The following CMTM7 variants were observed in gnomAD, a reference collection of about 807,000 sequenced individuals.
CMTM7 encodes the protein CKLF-like MARVEL transmembrane domain-containing protein 7.
A neutral mutation model predicts 19.3 loss-of-function variants in CMTM7; 7 were observed. That is an observed-to-expected ratio of 0.36 (90% CI 0.21 to 0.68). The LOEUF is 0.68. CMTM7 is among the 30% of genes least tolerant of loss of function. The pLI, the probability that CMTM7 is intolerant of heterozygous loss-of-function variation, is 0.60. For missense variants in CMTM7, 193 were observed against 232.6 expected, an observed-to-expected ratio of 0.83 and a Z score of 1.11; for synonymous variants, 87 against 99.3, an observed-to-expected ratio of 0.88 and a Z score of 0.74.
chr3:32,439,809 G>A (rs1696648851), intron 1 of CMTM7, among the ~76,000 whole-genome samples: 1 of 152,174 alleles, frequency 6.6e-6, no homozygotes, highest in Admixed American at 6.5e-5. Flanking sequence ...ATTTTCTATA[G>A]CAGAATTTTT....
intron 2 of CMTM7, among the ~76,000 whole-genome samples, chr3:32,448,220 C>G (rs1348211194): frequency 6.6e-6 from 1 of 152,216 alleles, no homozygotes; most frequent in Non-Finnish European, 1.5e-5. Context: ...TCATCCTCCT[C>G]TGTCTTAATA....
At chr3:32,434,594 CTCTTT>C (rs200817538) in intron 1 of CMTM7, among the ~76,000 whole-genome samples, 6,639 of 66,644 alleles carry the variant, frequency 0.1, 242 homozygotes, top group African/African-American at 0.16. Context: ...CACCTATTGC[CTCTTT>C]TCTTTTCTTT....
chr3:32,424,218 C>G (rs963961570), intron 1 of CMTM7, among the ~76,000 whole-genome samples: 1 of 152,144 alleles, frequency 6.6e-6, no homozygotes, highest in Admixed American at 6.6e-5. Context: ...GCTGTAACAC[C>G]TACACATGGC....
Position 32,455,233 on chromosome 3 carries a change from G to C in CMTM7, c.*979G>C, listed in dbSNP as rs1696890625. 1 of 152,282 alleles carries C rather than the reference G, an allele frequency of 6.6e-6. No individual in the cohort carries two copies. Among genetic ancestry groups the C allele is most frequent in the East Asian group, 1.9e-4 (1 of 5,208 alleles). 9.4% of individuals were successfully genotyped at this position (152,282 alleles called of 1,614,324 possible). On this transcript the variant is annotated 3_prime_UTR_variant, in exon 5 of 5. Transcript: ENST00000334983. ...TGGAACAATGTTTGAGCAACCCCGT[G>C]TGCAAGGACCTACATTCACAACCAC... is the stretch of plus-strand genomic sequence containing the variant.
In CMTM7 at chr3:32,442,429, G is replaced by A. The variant is rs186141616; in HGVS notation, c.333+416G>A. On this transcript the variant is annotated intron_variant, in intron 2 of 4. Coordinates refer to ENST00000334983, the MANE Select transcript of CMTM7 (RefSeq NM_138410.4). ...GCAGGAGAATGGCGTGAACCCGGGA[G>A]GCGGAGCTTGCAGTGAGCCGAGATC... 2.3e-3 allele frequency among the ~76,000 whole-genome samples: 339 copies of A among 145,888 alleles called. 2 individuals are homozygous for A. Among genetic ancestry groups the A allele is most frequent in the African/African-American group, 8.3e-3 (326 of 39,492 alleles).
chr3:32,441,574 C>T (rs573885027), intron 1 of CMTM7, among the ~76,000 whole-genome samples: 51 of 152,286 alleles, frequency 3.3e-4, no homozygotes, highest in African/African-American at 5.5e-4. Context: ...GGGGGCTTCC[C>T]GCTGGCACAA....
chr3:32,399,265 T>G (rs989461937), intron 1 of CMTM7, among the ~76,000 whole-genome samples: 2 of 148,700 alleles, frequency 1.3e-5, no homozygotes, highest in Non-Finnish European at 3.0e-5. Context: ...AACCTTTTGT[T>G]TTTTTTTTTT....
In CMTM7 at chr3:32,442,006, C is replaced by A; in HGVS notation, c.326C>A (p.Pro109His). ...FYRVLTCISW[P>H]LSELLHYLIG... ...CGCGTGCTCACCTGTATCAGCTGGC[C>A]CCTGTCGGTAAGAGAGTGGTCTGGC... The change falls in exon 2 of 5, where the codon CCC becomes CAC. Residue 109 changes from proline to histidine, a missense_variant. Physicochemically the swap from Pro to His is moderately conservative, Grantham distance 77. Transcript: ENST00000334983. The A allele has an allele frequency of 6.2e-7, 1 of 1,614,020 alleles. No homozygotes were observed. The highest frequency in any genetic ancestry group is 1.1e-5 in the South Asian group (1 of 91,076).
At chr3:32,446,093 A>G (rs1696749696) in intron 2 of CMTM7, among the ~76,000 whole-genome samples, 1 of 150,220 alleles carries the variant, frequency 6.7e-6, no homozygotes, top group Non-Finnish European at 1.5e-5. Context: ...AATTGGTATT[A>G]ATTATTCCTT....
At position 32,449,691 on chromosome 3, in the gene CMTM7, C is replaced by A; in HGVS notation, c.432+139C>A. On this transcript the variant is annotated intron_variant, in intron 3 of 4. Coordinates refer to ENST00000334983, the MANE Select transcript of CMTM7 (RefSeq NM_138410.4). This position sits in a 1 kb window ranked among gnomAD's most constrained non-coding sequence, Gnocchi z 4.5. Reference sequence around the variant, plus strand: ...ATACCTACCTTGATCCAGCCATCAGCTCTCTCCAAAGAGCCTTAAGCAGAG... The same window carrying A: ...ATACCTACCTTGATCCAGCCATCAGATCTCTCCAAAGAGCCTTAAGCAGAG... The A allele has an allele frequency of 1.4e-6, 1 of 715,194 alleles. No homozygotes were observed. Among genetic ancestry groups the A allele is most frequent in the South Asian group, 1.6e-5 (1 of 62,044 alleles). 44.3% of individuals were successfully genotyped at this position (715,194 alleles called of 1,614,324 possible). A position where few individuals can be genotyped will look rare whatever the true frequency, so the allele number is the denominator to read the frequency against.
At chr3:32,442,593 T>C (rs565477274) in intron 2 of CMTM7, among the ~76,000 whole-genome samples, 28 of 150,764 alleles carry the variant, frequency 1.9e-4, no homozygotes, top group African/African-American at 6.4e-4. Context: ...TGTGTGTGTA[T>C]GAGTTGGGAA....
At chr3:32,432,717 G>A (rs768432932) in intron 1 of CMTM7, among the ~76,000 whole-genome samples, 70 of 152,370 alleles carry the variant, frequency 4.6e-4, no homozygotes, top group South Asian at 8.3e-4. Context: ...CCACACAGAT[G>A]TAAGGCACAT....
rs550841903 is a variant in CMTM7, at chr3:32,411,627, A to G, written c.159+19562A>G. On this transcript the variant is annotated intron_variant, in intron 1 of 4. Transcript: ENST00000334983. ...CCCCTGAGTCACTGTCCCCGCCATC[A>G]GTCCCATACCCTGGGGGTCAAGGTG... Among the ~76,000 whole-genome samples the G allele has an allele frequency of 9.2e-5, 14 of 152,322 alleles. No homozygotes were observed. In the East Asian group the frequency reaches 2.7e-3, roughly 29 times the overall value.
At chr3:32,415,195 A>AT (rs1696242029) in intron 1 of CMTM7, among the ~76,000 whole-genome samples, 1 of 151,392 alleles carries the variant, frequency 6.6e-6, no homozygotes, top group Admixed American at 6.6e-5. Context: ...CTCTGTCTCA[A>AT]AATAATAATA....
At chr3:32,392,613 G>A (rs1378069518) in intron 1 of CMTM7, among the ~76,000 whole-genome samples, 2 of 152,220 alleles carry the variant, frequency 1.3e-5, no homozygotes, top group Non-Finnish European at 2.9e-5. Context: ...AAAAGAACTG[G>A]GACCGTTGAG....
At position 32,429,669 on chromosome 3, in the gene CMTM7, T is replaced by C. The variant is rs181786386; in HGVS notation, c.160-12171T>C. 7.9e-4 allele frequency among the ~76,000 whole-genome samples: 120 copies of C among 150,998 alleles called. 1 individual carries two copies. In the East Asian group the frequency reaches 0.023, roughly 28 times the overall value. On this transcript the variant is annotated intron_variant, in intron 1 of 4. Coordinates refer to ENST00000334983, the MANE Select transcript of CMTM7 (RefSeq NM_138410.4). ...AGGCTGGAGTGCAGTGGCGCGATCT[T>C]GGCTCACTGCAAGCTCTGTCTCCCA...
chr3:32,392,370 C>T (rs1695849871), intron 1 of CMTM7, among the ~76,000 whole-genome samples: 1 of 152,252 alleles, frequency 6.6e-6, no homozygotes, highest in Non-Finnish European at 1.5e-5. Flanking sequence ...TGACTGAAAC[C>T]ACGGGCAAAG....
chr3:32,444,929 T>A (rs1035170648), intron 2 of CMTM7, among the ~76,000 whole-genome samples: 1 of 152,170 alleles, frequency 6.6e-6, no homozygotes, highest in Non-Finnish European at 1.5e-5. Flanking sequence ...ACTTTTTAAA[T>A]TAAATTTGTG....
At chr3:32,398,749 C>T (rs796862854) in intron 1 of CMTM7, among the ~76,000 whole-genome samples, 10 of 151,752 alleles carry the variant, frequency 6.6e-5, no homozygotes, top group South Asian at 6.2e-4. Context: ...TTTGGGAGGC[C>T]GAGGCGGGCG....
Sources: gnomAD v4.1 joint callset for allele counts (sites outside exome capture counted in the v4.1 genomes callset) on GRCh38, gnomAD v4.1.1 for gene constraint, Gnocchi (gnomAD v3.1) non-coding constraint, MANE v1.5 for transcripts, NCBI Gene and HGNC (gene_info 2026-07-23, HGNC 2026-07-21) for gene names.